DAAM1: variants seen among roughly 807,000 people sequenced by gnomAD.
DAAM1 encodes dishevelled associated activator of morphogenesis 1, also known as disheveled-associated activator of morphogenesis 1.
Under a neutral mutation model 130.0 loss-of-function variants are expected in DAAM1, and 52 were observed. The observed-to-expected ratio is 0.40, with a 90% CI of 0.32 to 0.50. DAAM1 has a LOEUF of 0.50. Ranked by LOEUF, DAAM1 falls within the 20% of genes least tolerant of loss-of-function variation. The pLI is 0.61. For synonymous variants in DAAM1, 452 were observed against 444.5 expected, an observed-to-expected ratio of 1.02 and a Z score of -0.21; for missense variants, 1,134 against 1,303.8, an observed-to-expected ratio of 0.87 and a Z score of 2.01.
At chr14:59,328,983 A>G (rs1885318569) in intron 12 of DAAM1, among the ~76,000 whole-genome samples, 2 of 152,190 alleles carry the variant, frequency 1.3e-5, no homozygotes, top group Middle Eastern at 3.2e-3. Flanking sequence ...AGTTCTGTGG[A>G]CCTAAAATGT....
At chr14:59,240,716 C>T (rs748397691) in intron 1 of DAAM1, among the ~76,000 whole-genome samples, 3 of 152,248 alleles carry the variant, frequency 2.0e-5, no homozygotes, top group Non-Finnish European at 1.5e-5. Context: ...GAGGCACCCT[C>T]TCATCTGCGG....
chr14:59,270,638 T>G (rs756908580), intron 2 of DAAM1, among the ~76,000 whole-genome samples: 2 of 152,170 alleles, frequency 1.3e-5, no homozygotes, highest in African/African-American at 2.4e-5. Flanking sequence ...GAGGTGCCTC[T>G]TTGTTACAAC....
At chr14:59,341,401 T>TC (rs1207461523) in intron 16 of DAAM1, among the ~76,000 whole-genome samples, 2 of 152,064 alleles carry the variant, frequency 1.3e-5, no homozygotes, top group South Asian at 2.1e-4. Context: ...TCTACAGTAG[T>TC]CCCCCCCTTA....
chr14:59,294,342 A>G (rs1045287360), intron 3 of DAAM1, among the ~76,000 whole-genome samples: 5 of 152,198 alleles, frequency 3.3e-5, no homozygotes, highest in African/African-American at 1.2e-4. Context: ...TTCTCTATCT[A>G]TATCTCTGGT....
intron 3 of DAAM1, among the ~76,000 whole-genome samples, chr14:59,305,133 T>C (rs1884325280): frequency 6.6e-6 from 1 of 152,238 alleles, no homozygotes; most frequent in African/African-American, 2.4e-5. Flanking sequence ...TAGCGTTGTG[T>C]GTCCAAATAT....
At chr14:59,326,894 A>T in intron 11 of DAAM1, 39 bp from the exon 12 acceptor site, 3 of 1,611,694 alleles carry the variant, frequency 1.9e-6, no homozygotes, top group Non-Finnish European at 2.5e-6. Flanking sequence ...TGGACCTTTT[A>T]TATTTTTTGT....
chr14:59,221,266 A>G (rs191635371), intron 1 of DAAM1, among the ~76,000 whole-genome samples: 71 of 152,398 alleles, frequency 4.7e-4, no homozygotes, highest in African/African-American at 1.7e-3. Flanking sequence ...ACATAAAGTC[A>G]TTAACATCTT....
chr14:59,290,701 C>A (rs1474169628), intron 2 of DAAM1, among the ~76,000 whole-genome samples: 1 of 152,172 alleles, frequency 6.6e-6, no homozygotes, highest in Non-Finnish European at 1.5e-5. Context: ...TTGCAGAAAC[C>A]CAGTGCTTCC....
chr14:59,342,896 A>C (rs765939577), intron 16 of DAAM1, among the ~76,000 whole-genome samples: 17 of 152,186 alleles, frequency 1.1e-4, no homozygotes, highest in Non-Finnish European at 2.2e-4. Flanking sequence ...AAGATGTGGG[A>C]GGGACATAAG....
chr14:59,203,417 T>C (rs779591564), intron 1 of DAAM1, among the ~76,000 whole-genome samples: 19 of 152,156 alleles, frequency 1.2e-4, no homozygotes, highest in Non-Finnish European at 7.4e-5. Context: ...ACACAAACTG[T>C]ATCTCAAAAT....
At chr14:59,339,809 A>G (rs931868491) in intron 15 of DAAM1, among the ~76,000 whole-genome samples, 3 of 152,236 alleles carry the variant, frequency 2.0e-5, no homozygotes, top group African/African-American at 4.8e-5. Flanking sequence ...CACACTTAGC[A>G]TCTTCAACTT....
intron 5 of DAAM1, among the ~76,000 whole-genome samples, chr14:59,321,357 T>A (rs929627706): frequency 6.6e-5 from 10 of 152,224 alleles, no homozygotes; most frequent in Non-Finnish European, 1.5e-4. Flanking sequence ...TAAAATTAGC[T>A]AGTGTTGTTG....
intron 1 of DAAM1, among the ~76,000 whole-genome samples, chr14:59,252,484 G>T (rs548991454): frequency 6.6e-6 from 1 of 152,090 alleles, no homozygotes; most frequent in Non-Finnish European, 1.5e-5. Flanking sequence ...GCCTTTTCCC[G>T]TCCTGCTCCA....
At chr14:59,292,576 A>G (rs955245180) in intron 3 of DAAM1, among the ~76,000 whole-genome samples, 3 of 152,238 alleles carry the variant, frequency 2.0e-5, no homozygotes, top group African/African-American at 7.2e-5. Flanking sequence ...ATACTTTGAA[A>G]TGAATGCATG....
intron 10 of DAAM1, 114 bp from the exon 11 acceptor site, chr14:59,326,396 A>C: frequency 9.4e-7 from 1 of 1,068,688 alleles, no homozygotes; most frequent in Non-Finnish European, 1.3e-6. Flanking sequence ...ATTGGTGCAG[A>C]TGTTATAAAC....
intron 1 of DAAM1, among the ~76,000 whole-genome samples, chr14:59,245,067 G>A (rs889598198): frequency 6.6e-6 from 1 of 152,142 alleles, no homozygotes; most frequent in Non-Finnish European, 1.5e-5. Flanking sequence ...GGGGGCCAGG[G>A]GAAAGGTGAT....
In DAAM1 at chr14:59,359,168, CAT is replaced by C. The variant is rs1886606959; in HGVS notation, c.2526-224_2526-223del. ...TTTTTAGAAATTGTGTGCTTTTTGA[CAT>C]ATATCTATGCAATCCCCATGGAGGC... On this transcript the variant is annotated intron_variant, in intron 20 of 24. Coordinates refer to ENST00000360909, the MANE Select transcript of DAAM1 (RefSeq NM_001270520.2). 2.0e-5 allele frequency: 7 copies of C among 350,138 alleles called. No individual in the cohort carries two copies. In the South Asian group the frequency reaches 4.8e-4, roughly 24 times the overall value. The allele number at this position is 350,138 out of a possible 1,614,324, so 21.7% of individuals were successfully genotyped here.
chr14:59,326,245 A>G, intron 10 of DAAM1, 168 bp downstream of exon 10: 1 of 695,702 alleles, frequency 1.4e-6, no homozygotes, highest in Non-Finnish European at 2.3e-6. Flanking sequence ...GGGTGTTACA[A>G]AATTTTTTAA....
chr14:59,223,658 A>C (rs1888847554), intron 1 of DAAM1, among the ~76,000 whole-genome samples: 2 of 152,192 alleles, frequency 1.3e-5, no homozygotes, highest in South Asian at 4.1e-4. Flanking sequence ...TCTTTGGGTC[A>C]CTCAGTAAGT....
Sources: allele counts gnomAD v4.1 joint callset (sites outside exome capture counted in the v4.1 genomes callset), GRCh38; gene constraint gnomAD v4.1.1; transcripts MANE v1.5; gene names NCBI Gene and HGNC (gene_info 2026-07-23, HGNC 2026-07-21).